Variants in HYDIN observed in about 807,000 individuals in gnomAD.
The protein encoded by HYDIN is HYDIN axonemal central pair apparatus protein.
HYDIN carries 132 observed loss-of-function variants against 403.9 expected under a neutral mutation model. The ratio of observed to expected loss-of-function variants is 0.33; its 90% CI spans 0.28 to 0.38. The LOEUF (loss-of-function observed/expected upper bound fraction) is 0.38. HYDIN is among the 10% of genes least tolerant of loss of function. HYDIN has a pLI of 1.00. For missense variants in HYDIN, 2,827 were observed against 5,009.5 expected (o/e 0.56, Z 13.15); for synonymous variants, 1,202 against 1,891.7 (o/e 0.64, Z 9.46).
At chr16:70,991,994 A>T in intron 24 of HYDIN, 76 bp downstream of exon 24, 1 of 1,601,878 alleles carries the variant, frequency 6.2e-7, no homozygotes, top group Non-Finnish European at 8.5e-7. Context: ...CCAATGAGGG[A>T]TGAGTATTGA....
intron 41 of HYDIN, among the ~76,000 whole-genome samples, chr16:70,950,199 GATCTAAC>G (rs1167148616): frequency 6.7e-6 from 1 of 149,836 alleles, no homozygotes; most frequent in African/African-American, 2.5e-5. Flanking sequence ...CCTCTTACCT[GATCTAAC>G]ATGTGGGCCT....
rs1013457249 is a variant in HYDIN, at chr16:70,837,797, T to C, written c.13135A>G (p.Thr4379Ala). The C allele has an allele frequency of 7.4e-6, 12 of 1,613,858 alleles. No homozygotes were observed. Among genetic ancestry groups the C allele is most frequent in the Non-Finnish European group, 5.9e-6 (7 of 1,179,868 alleles). The change falls in exon 77 of 86, where the codon ACT becomes GCT. Residue 4379 changes from threonine to alanine, a missense_variant. Thr to Ala is a moderately conservative substitution (Grantham distance 58). Transcript: ENST00000393567. Reference protein sequence around the residue: ...KPGNTLEIPITFYPRESINYQ... With the variant: ...KPGNTLEIPIAFYPRESINYQ... ...TTGATACTTTCTCGAGGATAAAAAG[T>C]TATTGGAATCTCCAATGTGTTTCCT...
At chr16:70,979,999 G>T (rs2079000137) in intron 29 of HYDIN, among the ~76,000 whole-genome samples, 1 of 151,928 alleles carries the variant, frequency 6.6e-6, no homozygotes, top group African/African-American at 2.4e-5. Context: ...GTGAACTGGA[G>T]AACAGAAGAC....
At chr16:70,937,893 A>G (rs538899331) in intron 44 of HYDIN, among the ~76,000 whole-genome samples, 9 of 151,976 alleles carry the variant, frequency 5.9e-5, no homozygotes, top group African/African-American at 1.4e-4. Context: ...CTGAGGGCAG[A>G]AAGGACACAT....
Position 71,230,701 on chromosome 16 carries a change from TG to T in HYDIN, c.-164del. On this transcript the variant is annotated 5_prime_UTR_variant, in exon 1 of 86. Coordinates refer to ENST00000393567, the MANE Select transcript of HYDIN (RefSeq NM_001270974.2). The stretch of plus-strand genomic sequence containing the variant: ...CGCACTCTCCATGCGCCGCCCGAGC[TG>T]TTGCCGTCCGTTGCCACGGTAACCA... The T allele has an allele frequency of 3.3e-6, 5 of 1,536,006 alleles. No individual in the cohort carries two copies. Among genetic ancestry groups the T allele is most frequent in the Non-Finnish European group, 4.4e-6 (5 of 1,146,872 alleles).
chr16:70,950,705 C>T (rs1276160103), intron 41 of HYDIN, among the ~76,000 whole-genome samples: 2 of 152,008 alleles, frequency 1.3e-5, no homozygotes, highest in African/African-American at 4.8e-5. Context: ...CTGCTCCATC[C>T]ACCTCCCCCA....
rs1197967089 is a variant in HYDIN at position 70,802,907 on chromosome 16, G to T, written c.*4673C>A. ...AGGTGCGCTAACAAGTAGTAGTAGT[G>T]CTGCCAAGGACATCTCCAAATGTCT... is the stretch of plus-strand genomic sequence containing the variant. On this transcript the variant is annotated 3_prime_UTR_variant, in exon 86 of 86. Transcript: ENST00000393567. 1 of 152,168 alleles carries T rather than the reference G, an allele frequency of 6.6e-6. No individual in the cohort carries two copies. Among genetic ancestry groups the T allele is most frequent in the Non-Finnish European group, 1.5e-5 (1 of 68,036 alleles). The allele number at this position is 152,168 out of a possible 1,614,324, so 9.4% of individuals were successfully genotyped here.
At chr16:71,045,625 G>C (rs2144212626) in intron 18 of HYDIN, among the ~76,000 whole-genome samples, 1 of 135,290 alleles carries the variant, frequency 7.4e-6, no homozygotes, top group African/African-American at 2.8e-5. Flanking sequence ...CAAATGCAAG[G>C]CATGATGGTT....
Position 70,802,809 on chromosome 16 carries a change from A to C in HYDIN, c.*4771T>G, listed in dbSNP as rs1432452072. 1 of 152,244 alleles carries C rather than the reference A, an allele frequency of 6.6e-6. No homozygotes were observed. The highest frequency in any genetic ancestry group is 6.5e-5 in the Admixed American group (1 of 15,288). 9.4% of individuals were successfully genotyped at this position (152,244 alleles called of 1,614,324 possible). ...TCATGTCTAGAAAAATCCATAAAAAATGTATTCTCCTATACAGGTGGGGTT... is the reference window on the plus strand; with the variant it reads ...TCATGTCTAGAAAAATCCATAAAAACTGTATTCTCCTATACAGGTGGGGTT... On this transcript the variant is annotated 3_prime_UTR_variant, in exon 86 of 86. Transcript: ENST00000393567.
chr16:71,090,518 G>T (rs1428242720), intron 11 of HYDIN: 1 of 152,228 alleles, frequency 6.6e-6, no homozygotes, highest in Admixed American at 6.5e-5. Context: ...TGTTTTTTAA[G>T]AGACAGGGTC....
intron 12 of HYDIN, among the ~76,000 whole-genome samples, chr16:71,087,490 T>G (rs112399805): frequency 8.7e-5 from 12 of 138,210 alleles, no homozygotes; most frequent in Non-Finnish European, 1.7e-4. Flanking sequence ...AAAGGCCCTA[T>G]GTCCAAGAAG....
intron 12 of HYDIN, among the ~76,000 whole-genome samples, chr16:71,087,547 C>T (rs2082967121): frequency 7.3e-6 from 1 of 137,176 alleles, no homozygotes; most frequent in South Asian, 2.7e-4. Context: ...CATATAAATT[C>T]TGCGGGAAAC....
In HYDIN at chr16:71,087,753, G is replaced by C. The variant is rs1313041295; in HGVS notation, c.1670+548C>G. The C allele has an allele frequency of 2.7e-5, 4 of 149,394 alleles. No homozygotes were observed. In the East Asian group the frequency reaches 7.8e-4, roughly 29 times the overall value. The allele number at this position is 149,394 out of a possible 1,614,324, so 9.3% of individuals were successfully genotyped here. ...CTTGCCCCAAGGGAGACCTCAGCTT[G>C]TAGATGGAGGGAGGTCTTGCTAGCA... is the stretch of plus-strand genomic sequence containing the variant. On this transcript the variant is annotated intron_variant, in intron 12 of 85. Transcript: ENST00000393567.
intron 12 of HYDIN, among the ~76,000 whole-genome samples, chr16:71,082,358 G>C (rs6499444): frequency 6.6e-6 from 1 of 152,138 alleles, no homozygotes; most frequent in African/African-American, 2.4e-5. Context: ...CACTAACAAT[G>C]CAACACTATT....
At chr16:70,939,264 T>C (rs1169789817) in intron 43 of HYDIN, among the ~76,000 whole-genome samples, 1 of 152,104 alleles carries the variant, frequency 6.6e-6, no homozygotes, top group Non-Finnish European at 1.5e-5. Flanking sequence ...AAAAGGAACG[T>C]GGCCCTGCTG....
intron 7 of HYDIN, among the ~76,000 whole-genome samples, chr16:71,140,223 TG>T (rs2085119518): frequency 1.6e-5 from 1 of 63,616 alleles, no homozygotes; most frequent in East Asian, 4.0e-4. Context: ...AAATTTGCAT[TG>T]TTTTCTTTCA....
At chr16:71,162,421 C>A (rs2086037916) in intron 6 of HYDIN, 110 bp downstream of exon 6, 1 of 589,426 alleles carries the variant, frequency 1.7e-6, no homozygotes, top group Non-Finnish European at 3.1e-6. Flanking sequence ...AGCTTTGCAA[C>A]TGAAGACTGT....
rs374707662 is a variant in HYDIN at position 70,807,988 on chromosome 16, A to G, written c.14958T>C (p.Ser4986=). ...GGCTGGGCTCGAATAAGACTTCCAC[A>G]CTGGCTTCAGTGCCTCCCTGGCCTC... ...APGGQGGTEA[S]VEVLFEPSHL... Residue 4986 remains serine, a synonymous_variant, in exon 86 of 86, where the codon AGT becomes AGC. Coordinates refer to ENST00000393567, the MANE Select transcript of HYDIN (RefSeq NM_001270974.2). The G allele has an allele frequency of 3.1e-6, 5 of 1,614,090 alleles. No homozygotes were observed. In the South Asian group the frequency reaches 4.4e-5, roughly 14 times the overall value.
At chr16:71,174,286 T>C (rs1391604448) in intron 5 of HYDIN, among the ~76,000 whole-genome samples, 1 of 152,146 alleles carries the variant, frequency 6.6e-6, no homozygotes, top group African/African-American at 2.4e-5. Flanking sequence ...AAATTCTCTA[T>C]CCTTGCTCTC....
Sources: gnomAD v4.1 joint callset for allele counts (sites outside exome capture counted in the v4.1 genomes callset) on GRCh38, gnomAD v4.1.1 for gene constraint, MANE v1.5 for transcripts, NCBI Gene and HGNC (gene_info 2026-07-23, HGNC 2026-07-21) for gene names.